AMZ1: variants seen among roughly 807,000 people sequenced by gnomAD.
AMZ1 encodes archaemetzincin-1.
A neutral mutation model predicts 29.9 loss-of-function variants in AMZ1; 39 were observed. The observed-to-expected ratio is 1.30, with a 90% CI of 1.01 to 1.70. The LOEUF (loss-of-function observed/expected upper bound fraction) is 1.70. Among genes scored for constraint, AMZ1 ranks in the 40% most tolerant of loss-of-function variants. The pLI, the probability that AMZ1 is intolerant of heterozygous loss-of-function variation, is 0.00. For synonymous variants in AMZ1, 458 were observed against 304.0 expected, an observed-to-expected ratio of 1.51 and a Z score of -5.27; for missense variants, 1,041 against 680.6, an observed-to-expected ratio of 1.53 and a Z score of -5.89.
At chr7:2,725,919 G>A (rs188536015) in intron 4 of AMZ1, among the ~76,000 whole-genome samples, 3 of 134,710 alleles carry the variant, frequency 2.2e-5, no homozygotes, top group East Asian at 3.9e-4. Context: ...CAGCCCGCCC[G>A]CTGCAGTCCC....
intron 4 of AMZ1, 101 bp from the exon 5 acceptor site, chr7:2,708,974 G>T: frequency 7.1e-7 from 1 of 1,411,434 alleles, no homozygotes; most frequent in Non-Finnish European, 9.5e-7. Flanking sequence ...ATGTCTTTGG[G>T]CCATGGCCAG....
upstream of AMZ1, chr7:2,763,120 C>G (rs748316585): frequency 4.8e-6 from 6 of 1,240,432 alleles, no homozygotes; most frequent in Non-Finnish European, 6.0e-6. Context: ...AGTCATCTTC[C>G]TCTCTCTTCT....
At chr7:2,707,288 A>G (rs991371741) in intron 3 of AMZ1, among the ~76,000 whole-genome samples, 1 of 146,700 alleles carries the variant, frequency 6.8e-6, no homozygotes, top group Non-Finnish European at 1.5e-5. Context: ...AAAAAAAAAA[A>G]CAAAAAAACA....
chr7:2,730,079 T>G (rs759465274), intron 4 of AMZ1: 1 of 152,228 alleles, frequency 6.6e-6, no homozygotes, highest in Non-Finnish European at 1.5e-5. Flanking sequence ...GAGCGGCAGT[T>G]TGGAGAAACT....
intron 4 of AMZ1, chr7:2,728,719 C>G (rs946169128): frequency 6.8e-6 from 1 of 146,776 alleles, no homozygotes; most frequent in African/African-American, 2.5e-5. Context: ...TGACTAGAGT[C>G]TATGTGTAGC....
intron 5 of AMZ1, 138 bp downstream of exon 5, chr7:2,709,382 C>T (rs1404490525): frequency 1.7e-5 from 18 of 1,083,692 alleles, no homozygotes; most frequent in Middle Eastern, 3.1e-4. Flanking sequence ...GAAAGCAAGG[C>T]TACACAGCTA....
Position 2,716,436 on chromosome 7 carries a change from G to A in AMZ1, c.*3558G>A, listed in dbSNP as rs191339021. On this transcript the variant is annotated 3_prime_UTR_variant, in exon 7 of 7. Transcript: ENST00000683327. ...CCACCCGTTTCCAGAGCATGGGTGA[G>A]GAGGGAGGGATGCCGACCTGTTAAT... 9.4e-4 allele frequency: 143 copies of A among 152,376 alleles called. 1 individual carries two copies. Among genetic ancestry groups the A allele is most frequent in the African/African-American group, 3.2e-3 (132 of 41,586 alleles). The allele number at this position is 152,376 out of a possible 1,614,324, so 9.4% of individuals were successfully genotyped here.
chr7:2,762,546 C>G (rs1381928425), upstream of AMZ1: 1 of 1,324,302 alleles, frequency 7.6e-7, no homozygotes, highest in Non-Finnish European at 1.0e-6. Context: ...GCCTTCTATT[C>G]TGGAGTTAGA....
At chr7:2,748,200 A>T (rs1305720765) in intron 4 of AMZ1, among the ~76,000 whole-genome samples, 1 of 151,240 alleles carries the variant, frequency 6.6e-6, no homozygotes, top group African/African-American at 2.4e-5. Flanking sequence ...CTGCATCGCC[A>T]AGTCAATCCT....
At chr7:2,759,699 A>AT (rs1791468140), upstream of AMZ1, among the ~76,000 whole-genome samples, 1 of 152,168 alleles carries the variant, frequency 6.6e-6, no homozygotes, top group Non-Finnish European at 1.5e-5. Flanking sequence ...TTCTGTAGTC[A>AT]TACAGGATAG....
At chr7:2,680,595 G>A (rs1017432311) in intron 1 of AMZ1, among the ~76,000 whole-genome samples, 10 of 152,206 alleles carry the variant, frequency 6.6e-5, no homozygotes, top group Non-Finnish European at 1.2e-4. Flanking sequence ...TTTCACCCCC[G>A]ACCCCAGCTC....
upstream of AMZ1, among the ~76,000 whole-genome samples, chr7:2,686,493 C>T (rs1787082863): frequency 6.6e-6 from 1 of 152,032 alleles, no homozygotes; most frequent in Admixed American, 6.6e-5. Context: ...GCGTTTATAC[C>T]AGTGCATTCT....
chr7:2,738,930 C>T (rs936005216), intron 4 of AMZ1, among the ~76,000 whole-genome samples: 7 of 152,060 alleles, frequency 4.6e-5, no homozygotes, highest in East Asian at 1.9e-4. Flanking sequence ...TGTGTAGCCT[C>T]GTGGCTGTGC....
chr7:2,760,667 C>G (rs1483320865), upstream of AMZ1, among the ~76,000 whole-genome samples: 1 of 152,222 alleles, frequency 6.6e-6, no homozygotes, highest in Non-Finnish European at 1.5e-5. Flanking sequence ...TTAAACCTTC[C>G]CAACCTCCAC....
chr7:2,745,027 C>G (rs904879070), intron 4 of AMZ1, among the ~76,000 whole-genome samples: 1 of 152,128 alleles, frequency 6.6e-6, no homozygotes, highest in Non-Finnish European at 1.5e-5. Context: ...TGTGAAAAGA[C>G]CAAATCTACA....
chr7:2,680,700 C>T (rs991652569), intron 1 of AMZ1, among the ~76,000 whole-genome samples: 5 of 152,242 alleles, frequency 3.3e-5, no homozygotes, highest in South Asian at 2.1e-4. Context: ...GCCGTGGGTT[C>T]AGCCTCCTCG....
chr7:2,760,241 C>T (rs997842026), upstream of AMZ1: 1 of 152,448 alleles, frequency 6.6e-6, no homozygotes, highest in African/African-American at 2.4e-5. Flanking sequence ...GGAGGGCACA[C>T]CCCAGCACGA....
rs533484423 is a variant in AMZ1 at position 2,689,698 on chromosome 7, G to T, written c.-219+1402G>T. Among the ~76,000 whole-genome samples the T allele has an allele frequency of 7.5e-4, 115 of 152,354 alleles. 4 individuals are homozygous for T. In the South Asian group the frequency reaches 0.02, roughly 26 times the overall value. On this transcript the variant is annotated intron_variant, in intron 1 of 6. Coordinates refer to ENST00000683327, the MANE Select transcript of AMZ1 (RefSeq NM_001384743.1). Reference sequence around the variant, plus strand: ...CACCTGCGGCTCCGTGTGTGGCTTGGAGGACGCAGGCATGAGACCTGTTGG... The same window carrying T: ...CACCTGCGGCTCCGTGTGTGGCTTGTAGGACGCAGGCATGAGACCTGTTGG...
chr7:2,735,510 C>T (rs202074997), intron 4 of AMZ1, among the ~76,000 whole-genome samples: 1 of 152,168 alleles, frequency 6.6e-6, no homozygotes, highest in East Asian at 1.9e-4. Flanking sequence ...CCACAGAGGG[C>T]ACAATCAGGA....
Sources: gnomAD v4.1 joint callset for allele counts (sites outside exome capture counted in the v4.1 genomes callset) on GRCh38, gnomAD v4.1.1 for gene constraint, MANE v1.5 for transcripts, NCBI Gene and HGNC (gene_info 2026-07-23, HGNC 2026-07-21) for gene names.